Variants in NBAS observed in about 807,000 individuals in gnomAD.
The protein encoded by NBAS is NBAS subunit of NRZ tethering complex.
Under a neutral mutation model 302.5 loss-of-function variants are expected in NBAS, and 219 were observed. The observed-to-expected ratio is 0.72, with a 90% CI of 0.65 to 0.81. The LOEUF (loss-of-function observed/expected upper bound fraction) is 0.81. Ranked by LOEUF, NBAS falls within the 30% of genes least tolerant of loss-of-function variation. NBAS has a pLI of 0.00. For synonymous variants in NBAS, 1,118 were observed against 1,021.6 expected, an observed-to-expected ratio of 1.09 and a Z score of -1.80; for missense variants, 2,932 against 2,841.6, an observed-to-expected ratio of 1.03 and a Z score of -0.72.
In NBAS at chr2:15,249,386, T is replaced by A. The variant is rs374850344; in HGVS notation, c.5725-10700A>T. The stretch of plus-strand genomic sequence containing the variant: ...CTGAATGGGCAAATACTGGAAGCAT[T>A]CCCTTTGAAAACCAGCATAAGACAA... On this transcript the variant is annotated intron_variant, in intron 44 of 51. Transcript: ENST00000281513. 1.4e-3 allele frequency among the ~76,000 whole-genome samples: 209 copies of A among 152,270 alleles called. 3 individuals carry two copies. The South Asian group carries it at 0.041, about 30-fold the overall frequency.
Position 15,186,832 on chromosome 2 carries a change from T to A in NBAS, c.6621A>T (p.Arg2207Ser). ...WVRLATVMLTRCTMENKEGLG... is the reference protein window; with the variant it reads ...WVRLATVMLTSCTMENKEGLG... ...ATCCTTCCTTGTTCTCCATCGTACA[T>A]CTGGTTAGCATCACTGTAGCTAGTC... Residue 2207 changes from arginine to serine, a missense_variant, in exon 50 of 52, where the codon AGA becomes AGT. Arg to Ser is a moderately radical substitution (Grantham distance 110). Transcript: ENST00000281513. 1 of 1,613,950 alleles carries A rather than the reference T, an allele frequency of 6.2e-7. No homozygotes were observed. Among genetic ancestry groups the A allele is most frequent in the Non-Finnish European group, 8.5e-7 (1 of 1,179,964 alleles).
chr2:14,838,195 T>C, the NBAS span, among the ~76,000 whole-genome samples: 1 of 151,996 alleles, frequency 6.6e-6, no homozygotes, highest in Non-Finnish European at 1.5e-5. Flanking sequence ...CAGTCTTTTC[T>C]AAGACTCAAA....
chr2:15,539,467 C>T, intron 6 of NBAS, 111 bp from the exon 7 acceptor site: 2 of 1,303,732 alleles, frequency 1.5e-6, no homozygotes, highest in South Asian at 2.5e-5. Context: ...TACGTCATCT[C>T]CTAAGGATCT....
intron 44 of NBAS, among the ~76,000 whole-genome samples, chr2:15,272,259 T>C (rs1669359145): frequency 6.6e-6 from 1 of 152,222 alleles, no homozygotes; most frequent in African/African-American, 2.4e-5. Context: ...ACCAGTTCTT[T>C]CCAAAAATTT....
chr2:15,453,508 G>A (rs1322773474), intron 21 of NBAS, among the ~76,000 whole-genome samples: 1 of 152,152 alleles, frequency 6.6e-6, no homozygotes, highest in Non-Finnish European at 1.5e-5. Context: ...TGTTCACTCA[G>A]TCACTTTTTA....
At chr2:15,208,113 C>G (rs927977774) in intron 48 of NBAS, among the ~76,000 whole-genome samples, 2 of 152,020 alleles carry the variant, frequency 1.3e-5, no homozygotes, top group African/African-American at 2.4e-5. Flanking sequence ...AAAGACATAC[C>G]CATGACTGAA....
intron 28 of NBAS, among the ~76,000 whole-genome samples, chr2:15,387,053 C>T (rs1202618276): frequency 2.0e-5 from 3 of 151,282 alleles, no homozygotes; most frequent in South Asian, 2.1e-4. Context: ...AATAACAATT[C>T]GTAAATAAAT....
the NBAS span, among the ~76,000 whole-genome samples, chr2:15,084,682 C>T: frequency 7.2e-6 from 1 of 139,116 alleles, no homozygotes; most frequent in Admixed American, 6.8e-5. Context: ...ACCATATCGG[C>T]GGGGCGGGGG....
At chr2:15,222,212 G>A (rs1171287834) in intron 47 of NBAS, among the ~76,000 whole-genome samples, 2 of 152,194 alleles carry the variant, frequency 1.3e-5, no homozygotes, top group African/African-American at 4.8e-5. Flanking sequence ...TCTGAGCAGT[G>A]AAACATCAAA....
chr2:15,089,649 C>A, the NBAS span, among the ~76,000 whole-genome samples: 1 of 151,954 alleles, frequency 6.6e-6, no homozygotes, highest in Non-Finnish European at 1.5e-5. Context: ...AAATACCTGC[C>A]CAGTGTTGTC....
intron 45 of NBAS, among the ~76,000 whole-genome samples, chr2:15,237,083 G>A (rs942007664): frequency 2.0e-5 from 3 of 152,034 alleles, no homozygotes; most frequent in African/African-American, 7.2e-5. Flanking sequence ...GGAGGTTAAC[G>A]GCCACTTACA....
downstream of NBAS, among the ~76,000 whole-genome samples, chr2:15,164,673 T>A (rs140857133): frequency 6.6e-6 from 1 of 152,326 alleles, no homozygotes; most frequent in East Asian, 1.9e-4. Context: ...TAGGAACTTT[T>A]AACTGTAAGC....
the NBAS span, among the ~76,000 whole-genome samples, chr2:14,863,268 G>A: frequency 6.6e-6 from 1 of 152,196 alleles, no homozygotes; most frequent in African/African-American, 2.4e-5. Context: ...CTTTGTATAA[G>A]CAACAAGACT....
the NBAS span, among the ~76,000 whole-genome samples, chr2:15,108,733 T>C: frequency 4.6e-5 from 7 of 152,246 alleles, no homozygotes; most frequent in African/African-American, 1.7e-4. Context: ...TGATTGCCTA[T>C]AGTCTGTCAG....
intron 6 of NBAS, among the ~76,000 whole-genome samples, chr2:15,544,297 A>C (rs1051552921): frequency 6.6e-6 from 1 of 152,128 alleles, no homozygotes; most frequent in Non-Finnish European, 1.5e-5. Context: ...ACAATTCTAC[A>C]ATAAGAAAGG....
chr2:14,846,857 A>G, the NBAS span, among the ~76,000 whole-genome samples: 1 of 152,132 alleles, frequency 6.6e-6, no homozygotes, highest in African/African-American at 2.4e-5. Context: ...AAATCATACC[A>G]CCAGAAAAAA....
At chr2:14,864,352 A>C in the NBAS span, among the ~76,000 whole-genome samples, 3 of 151,868 alleles carry the variant, frequency 2.0e-5, no homozygotes, top group African/African-American at 7.3e-5. Context: ...AGAAAGAATA[A>C]AACAGCCAAG....
the NBAS span, among the ~76,000 whole-genome samples, chr2:14,977,035 A>G: frequency 5.3e-5 from 8 of 152,238 alleles, no homozygotes; most frequent in Non-Finnish European, 1.2e-4. Context: ...CTGGAAAATC[A>G]AACACCAAGA....
chr2:15,519,181 T>A (rs1397906457), intron 9 of NBAS, among the ~76,000 whole-genome samples: 1 of 152,234 alleles, frequency 6.6e-6, no homozygotes, highest in Non-Finnish European at 1.5e-5. Context: ...AAACTGCATA[T>A]AACCAATAAG....
Sources: allele counts gnomAD v4.1 joint callset (sites outside exome capture counted in the v4.1 genomes callset), GRCh38; gene constraint gnomAD v4.1.1; transcripts MANE v1.5; gene names NCBI Gene and HGNC (gene_info 2026-07-23, HGNC 2026-07-21).